The following CDH5 variants were observed in gnomAD, a reference collection of about 807,000 sequenced individuals.
CDH5 encodes cadherin-5.
Under a neutral mutation model 62.0 loss-of-function variants are expected in CDH5, and 28 were observed. That is an observed-to-expected ratio of 0.45 (90% CI 0.33 to 0.62). The LOEUF is 0.62. Among genes scored for constraint, CDH5 ranks in the 20% least tolerant of loss-of-function variants. The pLI, the probability that CDH5 is intolerant of heterozygous loss-of-function variation, is 0.02. For missense variants in CDH5, 940 were observed against 1,065.1 expected, an observed-to-expected ratio of 0.88 and a Z score of 1.63; for synonymous variants, 464 against 445.8, an observed-to-expected ratio of 1.04 and a Z score of -0.52.
Position 66,400,936 on chromosome 16 carries a change from T to C in CDH5, c.1757T>C (p.Phe586Ser). Residue 586 changes from phenylalanine (F) to serine (S), a missense_variant, in exon 11 of 12, where the codon TTC becomes TCC. Phe to Ser is a radical substitution (Grantham distance 155). Coordinates refer to ENST00000341529, the MANE Select transcript of CDH5 (RefSeq NM_001795.5). ...CKCNEQGEFT[F>S]CEDMAAQVGV... ...TGCAACGAGCAGGGCGAGTTCACCT[T>C]CTGCGAGGATATGGCCGCCCAGGTG... 1 of 1,614,162 alleles carries C rather than the reference T, an allele frequency of 6.2e-7. No individual in the cohort carries two copies. Among genetic ancestry groups the C allele is most frequent in the Non-Finnish European group, 8.5e-7 (1 of 1,180,052 alleles).
Position 66,403,492 on chromosome 16 carries a change from C to T in CDH5, c.*323C>T. 1 of 386,504 alleles carries T rather than the reference C, an allele frequency of 2.6e-6. No individual in the cohort carries two copies. The highest frequency in any genetic ancestry group is 5.6e-5 in the East Asian group (1 of 17,962). 23.9% of individuals were successfully genotyped at this position (386,504 alleles called of 1,614,324 possible). On this transcript the variant is annotated 3_prime_UTR_variant, in exon 12 of 12. Coordinates refer to ENST00000341529, the MANE Select transcript of CDH5 (RefSeq NM_001795.5). The surrounding 1 kb of genome is among the most constrained non-coding windows in gnomAD (Gnocchi z 4.3). ...CCTCTGGCTCCCCAAGGCTGCAAAGCAAAACAGACTGTGTTTAACTGCTGC... is the reference window on the plus strand; with the variant it reads ...CCTCTGGCTCCCCAAGGCTGCAAAGTAAAACAGACTGTGTTTAACTGCTGC...
intron 5 of CDH5, among the ~76,000 whole-genome samples, 178 bp from the exon 6 acceptor site, chr16:66,390,225 G>A (rs1362926232): frequency 6.6e-6 from 1 of 152,246 alleles, no homozygotes; most frequent in Non-Finnish European, 1.5e-5. Flanking sequence ...GGGATGGATG[G>A]ATGGACATAC....
intron 2 of CDH5, among the ~76,000 whole-genome samples, chr16:66,382,717 C>A (rs184552693): frequency 1.3e-4 from 20 of 152,182 alleles, no homozygotes; most frequent in Admixed American, 1.0e-3. Context: ...CTCCGAGGAA[C>A]CACAAGGGGT....
At chr16:66,374,184 C>T (rs1028318747) in intron 1 of CDH5, among the ~76,000 whole-genome samples, 5 of 152,174 alleles carry the variant, frequency 3.3e-5, no homozygotes, top group Non-Finnish European at 5.9e-5. Flanking sequence ...ATAACGTGTG[C>T]CTCGGGGGAG....
At chr16:66,398,370 T>G in intron 9 of CDH5, 86 bp from the exon 10 acceptor site, 2 of 941,592 alleles carry the variant, frequency 2.1e-6, no homozygotes, top group South Asian at 2.7e-5. Context: ...GGTCAGGACT[T>G]AAACCCAAAG....
rs552093059 is a variant in CDH5, at chr16:66,388,528, C to T, written c.616+88C>T. The T allele has an allele frequency of 9.7e-6, 8 of 828,946 alleles. No homozygotes were observed. The African/African-American group carries it at 1.3e-4, about 14-fold the overall frequency. The allele number at this position is 828,946 out of a possible 1,614,324, so 51.3% of individuals were successfully genotyped here. ...CCAGGTGCATGTGCTAAGGGAAGTC[C>T]AGTCTGACAGGTGTCACTAGCTACT... On this transcript the variant is annotated intron_variant, in intron 4 of 11. Transcript: ENST00000341529.
rs1240658882 is a variant in CDH5, at chr16:66,379,688, G to A, written c.210+141G>A. 7.2e-5 allele frequency: 51 copies of A among 704,554 alleles called. No individual in the cohort carries two copies. In the Admixed American group the frequency reaches 1.1e-3, roughly 16 times the overall value. 43.6% of individuals were successfully genotyped at this position (704,554 alleles called of 1,614,324 possible). ...AGTGGAGATGATAAGGGTGAAGGTG[G>A]TAGCAATAGTGGTAGAGGTCGTGGT... is the stretch of plus-strand genomic sequence containing the variant. On this transcript the variant is annotated intron_variant, in intron 2 of 11. Coordinates refer to ENST00000341529, the MANE Select transcript of CDH5 (RefSeq NM_001795.5).
chr16:66,374,347 C>A (rs1229752510), intron 1 of CDH5, among the ~76,000 whole-genome samples: 1 of 152,204 alleles, frequency 6.6e-6, no homozygotes, highest in African/African-American at 2.4e-5. Flanking sequence ...TCACCAACAG[C>A]TGACTGATGA....
At position 66,396,164 on chromosome 16, in the gene CDH5, T is replaced by C. The variant is rs1455000410; in HGVS notation, c.1323T>C (p.Tyr441=). The C allele has an allele frequency of 2.5e-6, 4 of 1,614,088 alleles. No individual in the cohort carries two copies. The African/African-American group carries it at 5.3e-5, about 22-fold the overall frequency. ...TGGACAGAGAAGTCTACCCCTGGTA[T>C]AACCTGACTGTGGAGGCCAAAGAAC... is the stretch of plus-strand genomic sequence containing the variant. ...KELDREVYPW[Y]NLTVEAKELD... Residue 441 remains tyrosine, a synonymous_variant, in exon 8 of 12, where the codon TAT becomes TAC. Transcript: ENST00000341529.
chr16:66,386,703 A>G, intron 2 of CDH5, 106 bp from the exon 3 acceptor site: 1 of 984,296 alleles, frequency 1.0e-6, no homozygotes. Context: ...CACACACACC[A>G]CATACACACA....
chr16:66,389,271 T>A, intron 4 of CDH5, 87 bp from the exon 5 acceptor site: 3 of 1,353,532 alleles, frequency 2.2e-6, no homozygotes, highest in Non-Finnish European at 3.0e-6. Context: ...AGGGAAGCTC[T>A]TAAGTCAGGT....
In CDH5 at chr16:66,402,890, G is replaced by A. The variant is rs769646589; in HGVS notation, c.2076G>A (p.Pro692=). 1.2e-6 allele frequency: 2 copies of A among 1,610,740 alleles called. No homozygotes were observed. The highest frequency in any genetic ancestry group is 1.3e-5 in the African/African-American group (1 of 74,994). The part of the protein sequence containing the change: ...PSLYAQVQKP[P]RHAPGAHGGP... ...TCTATGCGCAGGTGCAGAAGCCACC[G>A]AGGCACGCGCCTGGGGCACACGGAG... is the stretch of plus-strand genomic sequence containing the variant. Residue 692 remains proline, a synonymous_variant, in exon 12 of 12, where the codon CCG becomes CCA. Transcript: ENST00000341529.
intron 9 of CDH5, among the ~76,000 whole-genome samples, 161 bp from the exon 10 acceptor site, chr16:66,398,295 G>A (rs1032975626): frequency 2.6e-5 from 4 of 152,140 alleles, no homozygotes; most frequent in South Asian, 4.1e-4. Flanking sequence ...GGCGGGGCAG[G>A]GAAGTAGAAA....
chr16:66,396,935 T>G (rs1961195598), intron 8 of CDH5, among the ~76,000 whole-genome samples: 1 of 152,184 alleles, frequency 6.6e-6, no homozygotes, highest in Non-Finnish European at 1.5e-5. Flanking sequence ...TCCTGCATGT[T>G]TGGCCAGATC....
intron 8 of CDH5, 55 bp from the exon 9 acceptor site, chr16:66,397,927 C>A: frequency 6.2e-7 from 1 of 1,610,086 alleles, no homozygotes; most frequent in Non-Finnish European, 8.5e-7. Context: ...CATCTTCCAC[C>A]GCCCAAGGCC....
intron 2 of CDH5, among the ~76,000 whole-genome samples, chr16:66,386,316 A>G (rs537693967): frequency 7.3e-5 from 11 of 150,800 alleles, no homozygotes; most frequent in Admixed American, 6.0e-4. Flanking sequence ...GTACATGTCC[A>G]TGTTTGTTAC....
At chr16:66,388,219 G>A (rs181955918) in intron 3 of CDH5, 105 bp from the exon 4 acceptor site, 2 of 712,208 alleles carry the variant, frequency 2.8e-6, no homozygotes, top group South Asian at 1.7e-5. Context: ...GGACCTGGGG[G>A]AGGTGGGGAC....
chr16:66,379,846 G>T (rs1337272380), intron 2 of CDH5, among the ~76,000 whole-genome samples: 44 of 152,140 alleles, frequency 2.9e-4, no homozygotes, highest in Non-Finnish European at 1.2e-4. Flanking sequence ...AGGGGTAGGT[G>T]GTGGTTGTGA....
intron 2 of CDH5, among the ~76,000 whole-genome samples, chr16:66,386,464 A>T (rs1960984863): frequency 1.3e-5 from 2 of 151,984 alleles, no homozygotes; most frequent in Admixed American, 1.3e-4. Flanking sequence ...AGTGTCTATT[A>T]TTTCCATTTT....
Sources: gnomAD v4.1 joint callset for allele counts (sites outside exome capture counted in the v4.1 genomes callset) on GRCh38, gnomAD v4.1.1 for gene constraint, Gnocchi (gnomAD v3.1) non-coding constraint, MANE v1.5 for transcripts, NCBI Gene and HGNC (gene_info 2026-07-23, HGNC 2026-07-21) for gene names.